The following RBFOX3 variants were observed in gnomAD, a reference collection of about 807,000 sequenced individuals.
The protein encoded by RBFOX3 is RNA binding protein fox-1 homolog 3.
A neutral mutation model predicts 48.7 loss-of-function variants in RBFOX3; 17 were observed. The ratio of observed to expected loss-of-function variants is 0.35; its 90% CI spans 0.24 to 0.52. RBFOX3 has a LOEUF of 0.52. RBFOX3 is among the 20% of genes least tolerant of loss of function. The probability of loss-of-function intolerance (pLI) is 0.94; values close to 1 mark genes in which losing one functional copy is unlikely to be tolerated. For missense variants in RBFOX3, 382 were observed against 497.5 expected, an observed-to-expected ratio of 0.77 and a Z score of 2.21; for synonymous variants, 212 against 209.5, an observed-to-expected ratio of 1.01 and a Z score of -0.10.
At chr17:79,380,876 G>A (rs935602509) in intron 2 of RBFOX3, among the ~76,000 whole-genome samples, 23 of 152,052 alleles carry the variant, frequency 1.5e-4, no homozygotes, top group Non-Finnish European at 2.5e-4. Context: ...CACCTGTGTC[G>A]GCAGACATTG....
At chr17:79,453,359 GGGC>G (rs1286867801) in intron 2 of RBFOX3, among the ~76,000 whole-genome samples, 1 of 152,168 alleles carries the variant, frequency 6.6e-6, no homozygotes, top group Non-Finnish European at 1.5e-5. Context: ...ATAGAAGCTG[GGGC>G]GTCGCAGTGG....
chr17:79,329,816 CTT>C (rs2079940340), intron 2 of RBFOX3, among the ~76,000 whole-genome samples: 1 of 152,206 alleles, frequency 6.6e-6, no homozygotes, highest in South Asian at 2.1e-4. Flanking sequence ...CCGGGCTTCT[CTT>C]TTAAACAAAT....
intron 2 of RBFOX3, among the ~76,000 whole-genome samples, chr17:79,332,350 AGGT>A (rs58329322): frequency 0.63 from 95,505 of 151,530 alleles, 30,744 homozygotes; most frequent in East Asian, 1. Context: ...GCTGCCAGGG[AGGT>A]GGTGTTTTGT....
chr17:79,281,229 C>G (rs2070390363), intron 3 of RBFOX3, among the ~76,000 whole-genome samples: 1 of 152,236 alleles, frequency 6.6e-6, no homozygotes, highest in African/African-American at 2.4e-5. Context: ...ATGGGACTAC[C>G]CAGGTGCCTT....
At chr17:79,653,619 CA>C in the RBFOX3 span, among the ~76,000 whole-genome samples, 1 of 152,120 alleles carries the variant, frequency 6.6e-6, no homozygotes, top group South Asian at 2.1e-4. Context: ...AGTGTATAAG[CA>C]ATGTTCAGAA....
chr17:79,638,370 G>T, the RBFOX3 span, among the ~76,000 whole-genome samples: 8 of 149,232 alleles, frequency 5.4e-5, no homozygotes, highest in Non-Finnish European at 1.2e-4. Context: ...AAGAGAGAAG[G>T]CTCAAATAAA....
rs1555736484 is a variant in RBFOX3, at chr17:79,443,892, A to G, written c.-175+38562T>C. On this transcript the variant is annotated intron_variant, in intron 2 of 14. Transcript: ENST00000693108. This position sits in a 1 kb window ranked among gnomAD's most constrained non-coding sequence, Gnocchi z 4.4. Reference sequence around the variant, plus strand: ...CAGAATGCCAACAAGGAGAACAGAAATCCTACAGGGTACCCGTGACTTACT... The same window carrying G: ...CAGAATGCCAACAAGGAGAACAGAAGTCCTACAGGGTACCCGTGACTTACT... Among the ~76,000 whole-genome samples the G allele has an allele frequency of 6.6e-6, 1 of 152,100 alleles. No individual in the cohort carries two copies. Among genetic ancestry groups the G allele is most frequent in the Non-Finnish European group, 1.5e-5 (1 of 68,014 alleles).
intron 2 of RBFOX3, among the ~76,000 whole-genome samples, chr17:79,314,057 G>A (rs2077206413): frequency 6.6e-6 from 1 of 152,234 alleles, no homozygotes; most frequent in Non-Finnish European, 1.5e-5. Flanking sequence ...CCCACATGGT[G>A]TTTCAGTCAC....
At chr17:79,366,139 A>G (rs777459538) in intron 2 of RBFOX3, among the ~76,000 whole-genome samples, 1 of 152,248 alleles carries the variant, frequency 6.6e-6, no homozygotes, top group Non-Finnish European at 1.5e-5. Flanking sequence ...AGAGGCATCA[A>G]TCAACCCGGT....
At chr17:79,137,237 G>GCA (rs4012813) in intron 4 of RBFOX3, among the ~76,000 whole-genome samples, 5,508 of 150,344 alleles carry the variant, frequency 0.037, 317 homozygotes, top group African/African-American at 0.12. Context: ...CCCTCTTCAT[G>GCA]CACACACACA....
the RBFOX3 span, among the ~76,000 whole-genome samples, chr17:79,657,567 T>G: frequency 6.6e-6 from 1 of 152,216 alleles, no homozygotes; most frequent in Non-Finnish European, 1.5e-5. Context: ...TAGTCCCAGC[T>G]ACTCAGGAGG....
chr17:79,397,305 AC>A (rs1191222207), intron 2 of RBFOX3, among the ~76,000 whole-genome samples: 10 of 151,930 alleles, frequency 6.6e-5, no homozygotes, highest in African/African-American at 2.4e-4. Context: ...ACATGGTGAA[AC>A]CCTGTCTCTC....
At chr17:79,169,923 AGAAG>A (rs1382529283) in intron 4 of RBFOX3, among the ~76,000 whole-genome samples, 1 of 152,086 alleles carries the variant, frequency 6.6e-6, no homozygotes, top group Non-Finnish European at 1.5e-5. Context: ...AAGAGAGGAA[AGAAG>A]GAAGAAGAGA....
rs1179892387 is a variant in RBFOX3 at position 79,449,338 on chromosome 17, T to TC, written c.-175+33115dup. Among the ~76,000 whole-genome samples, 6 of 151,962 alleles carry TC rather than the reference T, an allele frequency of 3.9e-5. No individual in the cohort carries two copies. The East Asian group carries it at 7.8e-4, about 20-fold the overall frequency. ...CCCTTTCTGCCCCCACGATCCTTCCTCCCTACAGCCTAGAACACGGGCTGT... is the reference window on the plus strand; with the variant it reads ...CCCTTTCTGCCCCCACGATCCTTCCTCCCCTACAGCCTAGAACACGGGCTGT... On this transcript the variant is annotated intron_variant, in intron 2 of 14. Transcript: ENST00000693108.
At chr17:79,110,867 G>C (rs922117611) in intron 5 of RBFOX3, among the ~76,000 whole-genome samples, 1 of 152,250 alleles carries the variant, frequency 6.6e-6, no homozygotes, top group African/African-American at 2.4e-5. Context: ...GGGCATCTCA[G>C]CTGAGCCTCA....
chr17:79,206,863 T>C (rs1160659707), intron 4 of RBFOX3, among the ~76,000 whole-genome samples: 2 of 152,226 alleles, frequency 1.3e-5, no homozygotes, highest in Non-Finnish European at 2.9e-5. Flanking sequence ...GATTGAGTCT[T>C]GGAACCACTC....
chr17:79,268,430 C>G (rs574369555), intron 3 of RBFOX3, among the ~76,000 whole-genome samples: 2 of 152,326 alleles, frequency 1.3e-5, no homozygotes, highest in East Asian at 3.9e-4. Context: ...AGCTCAGCCC[C>G]TTCCTCCAAG....
At chr17:79,339,925 G>A (rs1246994697) in intron 2 of RBFOX3, among the ~76,000 whole-genome samples, 2 of 152,222 alleles carry the variant, frequency 1.3e-5, no homozygotes, top group African/African-American at 4.8e-5. Flanking sequence ...AGGACAAACA[G>A]CTAGCAGAGA....
At position 79,299,575 on chromosome 17, in the gene RBFOX3, G is replaced by A. The variant is rs968091695; in HGVS notation, c.-74+8149C>T. ...CACGTGGGTTACATGCAGAGGCTGCGCCATTTCCTACCAGGGGTTTGAGCA... is the reference window on the plus strand; with the variant it reads ...CACGTGGGTTACATGCAGAGGCTGCACCATTTCCTACCAGGGGTTTGAGCA... On this transcript the variant is annotated intron_variant, in intron 3 of 14. Coordinates refer to ENST00000693108, the MANE Select transcript of RBFOX3 (RefSeq NM_001350451.2). This position sits in a 1 kb window ranked among gnomAD's most constrained non-coding sequence, Gnocchi z 4.5. Among the ~76,000 whole-genome samples, 4 of 152,288 alleles carry A rather than the reference G, an allele frequency of 2.6e-5. No homozygotes were observed. The highest frequency in any genetic ancestry group is 4.1e-4 in the South Asian group (2 of 4,830).
Sources: gnomAD v4.1 joint callset for allele counts (sites outside exome capture counted in the v4.1 genomes callset) on GRCh38, gnomAD v4.1.1 for gene constraint, Gnocchi (gnomAD v3.1) non-coding constraint, MANE v1.5 for transcripts, NCBI Gene and HGNC (gene_info 2026-07-23, HGNC 2026-07-21) for gene names.